The following DENND4C variants were observed in gnomAD, a reference collection of about 807,000 sequenced individuals.
DENND4C encodes DENN domain containing 4C, also known as DENN domain-containing protein 4C.
A neutral mutation model predicts 203.0 loss-of-function variants in DENND4C; 108 were observed. The ratio of observed to expected loss-of-function variants is 0.53; its 90% CI spans 0.46 to 0.62. The LOEUF is 0.62. DENND4C is among the 20% of genes least tolerant of loss of function. The pLI is 0.00. For synonymous variants in DENND4C, 871 were observed against 792.4 expected (o/e 1.10, Z -1.67); for missense variants, 2,481 against 2,301.2 (o/e 1.08, Z -1.60).
At chr9:19,254,715 G>T (rs1827499394) in intron 1 of DENND4C, among the ~76,000 whole-genome samples, 1 of 152,160 alleles carries the variant, frequency 6.6e-6, no homozygotes, top group Non-Finnish European at 1.5e-5. Flanking sequence ...ATGGGTGGTG[G>T]TGTTGATTGT....
At chr9:19,327,517 A>G (rs1008208730) in intron 15 of DENND4C, among the ~76,000 whole-genome samples, 20 of 152,086 alleles carry the variant, frequency 1.3e-4, no homozygotes, top group African/African-American at 4.8e-4. Flanking sequence ...AAAGGTATTC[A>G]CAAAGATATA....
intron 31 of DENND4C, 149 bp downstream of exon 31, chr9:19,370,136 A>T: frequency 1.1e-6 from 1 of 948,274 alleles, no homozygotes; most frequent in East Asian, 2.8e-5. Context: ...AGATATATAC[A>T]TTCCTACTTG....
intron 2 of DENND4C, among the ~76,000 whole-genome samples, chr9:19,278,074 CTTTT>C (rs34167347): frequency 2.5e-5 from 3 of 120,292 alleles, no homozygotes; most frequent in Admixed American, 8.6e-5. Context: ...CCTTTTTTTT[CTTTT>C]TTTTTTTTTT....
intron 29 of DENND4C, among the ~76,000 whole-genome samples, chr9:19,361,210 AC>A (rs1826420331): frequency 6.6e-6 from 1 of 152,254 alleles, no homozygotes; most frequent in South Asian, 2.1e-4. Context: ...AATTCTCACA[AC>A]CACCTTATTT....
At chr9:19,240,158 T>C (rs545179845) in intron 1 of DENND4C, among the ~76,000 whole-genome samples, 5 of 152,258 alleles carry the variant, frequency 3.3e-5, no homozygotes, top group African/African-American at 4.8e-5. Flanking sequence ...GAATGCATCA[T>C]TGGGCAATTT....
At chr9:19,337,377 T>G (rs568377909) in intron 20 of DENND4C, among the ~76,000 whole-genome samples, 1 of 152,360 alleles carries the variant, frequency 6.6e-6, no homozygotes, top group East Asian at 1.9e-4. Flanking sequence ...CAGATATATG[T>G]GTGTTACATA....
intron 1 of DENND4C, among the ~76,000 whole-genome samples, chr9:19,243,896 C>T (rs746958601): frequency 9.2e-5 from 14 of 152,180 alleles, no homozygotes; most frequent in Non-Finnish European, 1.6e-4. Context: ...ACTGCAGCCT[C>T]GACCTTCCAG....
rs1272259017 is a variant in DENND4C at position 19,289,882 on chromosome 9, G to A, written c.629-822G>A. Among the ~76,000 whole-genome samples, 10 of 150,616 alleles carry A rather than the reference G, an allele frequency of 6.6e-5. No homozygotes were observed. In the South Asian group the frequency reaches 2.1e-3, roughly 32 times the overall value. On this transcript the variant is annotated intron_variant, in intron 4 of 32. Coordinates refer to ENST00000434457, the MANE Select transcript of DENND4C (RefSeq NM_001330640.2). ...AATACTGCTGTAATATGTTGATTAT[G>A]TGTGATGTCCTTTTTTTGTTGTTGT... is the stretch of plus-strand genomic sequence containing the variant.
intron 10 of DENND4C, 66 bp downstream of exon 10, chr9:19,305,593 G>C: frequency 6.8e-7 from 1 of 1,465,786 alleles, no homozygotes; most frequent in East Asian, 2.3e-5. Context: ...ACAGTTCTTT[G>C]AAAGCATCTA....
intron 18 of DENND4C, among the ~76,000 whole-genome samples, chr9:19,335,932 C>T (rs1449840572): frequency 1.3e-5 from 2 of 152,036 alleles, no homozygotes; most frequent in Non-Finnish European, 2.9e-5. Context: ...TGAGGAAACT[C>T]TATACTGTTT....
Position 19,276,052 on chromosome 9 carries a change from C to T in DENND4C, c.-17-106C>T, listed in dbSNP as rs142731009. On this transcript the variant is annotated intron_variant, in intron 1 of 32. Coordinates refer to ENST00000434457, the MANE Select transcript of DENND4C (RefSeq NM_001330640.2). The stretch of plus-strand genomic sequence containing the variant: ...TCAGAATGGCAATTTGATTATAAAT[C>T]TAGCTGGGAAGTGTGCTAGTTGATG... 8 of 526,282 alleles carry T rather than the reference C, an allele frequency of 1.5e-5. No individual in the cohort carries two copies. The South Asian group carries it at 6.3e-4, about 41-fold the overall frequency. 32.6% of individuals were successfully genotyped at this position (526,282 alleles called of 1,614,324 possible).
At chr9:19,249,333 A>G (rs1826004528) in intron 1 of DENND4C, among the ~76,000 whole-genome samples, 1 of 150,200 alleles carries the variant, frequency 6.7e-6, no homozygotes, top group South Asian at 2.1e-4. Context: ...GCTCACTGCA[A>G]CCTCCACCTC....
intron 15 of DENND4C, among the ~76,000 whole-genome samples, chr9:19,326,571 C>G (rs1320092113): frequency 6.6e-6 from 1 of 151,946 alleles, no homozygotes; most frequent in Non-Finnish European, 1.5e-5. Context: ...GGAATTTATT[C>G]TTTATTAAGA....
chr9:19,260,963 C>A (rs111654000), intron 1 of DENND4C, among the ~76,000 whole-genome samples: 3,707 of 152,060 alleles, frequency 0.024, 60 homozygotes, highest in Non-Finnish European at 0.025. Context: ...TGGAGAGTAT[C>A]CCCAATATTT....
chr9:19,323,984 G>A (rs554370602), intron 12 of DENND4C, among the ~76,000 whole-genome samples: 6 of 152,232 alleles, frequency 3.9e-5, no homozygotes, highest in South Asian at 2.1e-4. Flanking sequence ...AATTCTACAC[G>A]TAAGTACTTA....
chr9:19,233,294 A>T (rs1821041504), intron 1 of DENND4C, among the ~76,000 whole-genome samples: 2 of 152,196 alleles, frequency 1.3e-5, no homozygotes, highest in South Asian at 2.1e-4. Flanking sequence ...ATAGATTGTC[A>T]GTTTGACAGA....
chr9:19,256,150 G>C (rs1827865060), intron 1 of DENND4C, among the ~76,000 whole-genome samples: 1 of 151,682 alleles, frequency 6.6e-6, no homozygotes, highest in Admixed American at 6.6e-5. Context: ...GAAAGAATTT[G>C]GGTTATACAA....
intron 1 of DENND4C, among the ~76,000 whole-genome samples, chr9:19,241,868 TAGA>T (rs36045765): frequency 0.076 from 11,474 of 150,646 alleles, 532 homozygotes; most frequent in South Asian, 0.17. Context: ...AAAAAGTAAG[TAGA>T]AGGAGTGCAC....
At chr9:19,277,511 C>T (rs982223622) in intron 2 of DENND4C, among the ~76,000 whole-genome samples, 2 of 152,014 alleles carry the variant, frequency 1.3e-5, no homozygotes, top group East Asian at 1.9e-4. Context: ...GTGTGCTAAT[C>T]TTGCACTCTG....
Sources: gnomAD v4.1 joint callset for allele counts (sites outside exome capture counted in the v4.1 genomes callset) on GRCh38, gnomAD v4.1.1 for gene constraint, MANE v1.5 for transcripts, NCBI Gene and HGNC (gene_info 2026-07-23, HGNC 2026-07-21) for gene names.